SUGCT: variants seen among roughly 807,000 people sequenced by gnomAD.
The protein encoded by SUGCT is succinyl-CoA:glutarate-CoA transferase, also known as succinyl-CoA:glutarate CoA-transferase.
In SUGCT, 41 loss-of-function variants were observed where a neutral mutation model predicts 55.0. The ratio of observed to expected loss-of-function variants is 0.74; its 90% confidence interval spans 0.58 to 0.97. The LOEUF (loss-of-function observed/expected upper bound fraction) is 0.97, where lower values mean the gene tolerates loss of function less well. Ranked by LOEUF, SUGCT falls within the 50% of genes least tolerant of loss-of-function variation. The pLI, the probability that SUGCT is intolerant of heterozygous loss-of-function variation, is 0.00. For missense variants in SUGCT, 568 were observed against 547.8 expected, an observed-to-expected ratio of 1.04 and a Z score of -0.37; for synonymous variants, 187 against 200.4, an observed-to-expected ratio of 0.93 and a Z score of 0.56.
chr7:40,733,259 G>T (rs992690870), intron 12 of SUGCT, among the ~76,000 whole-genome samples: 3 of 152,068 alleles, frequency 2.0e-5, no homozygotes, highest in African/African-American at 7.2e-5. Context: ...ACATGACTCA[G>T]CCCTTTCTCC....
chr7:40,476,230 A>G (rs999297696), intron 11 of SUGCT, among the ~76,000 whole-genome samples: 5 of 152,178 alleles, frequency 3.3e-5, no homozygotes, highest in Admixed American at 6.5e-5. Context: ...TACACATAGT[A>G]TATGCTATAA....
At chr7:40,551,903 T>G (rs962830713) in intron 12 of SUGCT, among the ~76,000 whole-genome samples, 1 of 152,200 alleles carries the variant, frequency 6.6e-6, no homozygotes, top group Non-Finnish European at 1.5e-5. Context: ...GCATTGTACT[T>G]GACTTGCAAG....
At chr7:40,592,234 T>C (rs982517792) in intron 12 of SUGCT, among the ~76,000 whole-genome samples, 4 of 152,302 alleles carry the variant, frequency 2.6e-5, no homozygotes, top group African/African-American at 7.2e-5. Flanking sequence ...GGCCGTCCAA[T>C]TTAGCTATTG....
chr7:40,833,103 T>A (rs1241807054), intron 13 of SUGCT, among the ~76,000 whole-genome samples: 2 of 152,138 alleles, frequency 1.3e-5, no homozygotes, highest in Non-Finnish European at 2.9e-5. Flanking sequence ...CCATTTTTTC[T>A]TGGTTGTCCC....
chr7:40,475,080 A>T (rs1440361726), intron 11 of SUGCT, among the ~76,000 whole-genome samples: 1 of 152,232 alleles, frequency 6.6e-6, no homozygotes, highest in Non-Finnish European at 1.5e-5. Flanking sequence ...GGTGCCCATT[A>T]CTAAATCACC....
intron 9 of SUGCT, among the ~76,000 whole-genome samples, chr7:40,432,340 A>G (rs1410900565): frequency 1.3e-5 from 2 of 152,124 alleles, no homozygotes; most frequent in Non-Finnish European, 2.9e-5. Flanking sequence ...ACCCACTGAT[A>G]GTCTTATAGA....
the SUGCT span, among the ~76,000 whole-genome samples, chr7:40,999,919 T>G: frequency 1.3e-5 from 2 of 152,200 alleles, no homozygotes; most frequent in Admixed American, 1.3e-4. Flanking sequence ...AAAGGAAACT[T>G]AAAACATTTT....
intron 12 of SUGCT, among the ~76,000 whole-genome samples, chr7:40,548,186 C>CTTTTTTTTTTTTTT (rs1186226631): frequency 1.8e-4 from 19 of 104,976 alleles, no homozygotes; most frequent in East Asian, 7.6e-4. Context: ...TTCTTTCTTT[C>CTTTTTTTTTTTTTT]TTTTTTTTTT....
rs924964118 is a variant in SUGCT, at chr7:40,264,692, T to A, written c.577-9821T>A. ...AATACTACCTTCATATTAAGAAACT[T>A]AATTTCCTGTTGATTGTTTCCCCAA... is the stretch of plus-strand genomic sequence containing the variant. On this transcript the variant is annotated intron_variant, in intron 7 of 13. Coordinates refer to ENST00000335693, the MANE Select transcript of SUGCT (RefSeq NM_001193313.2). Among the ~76,000 whole-genome samples the A allele has an allele frequency of 2.0e-5, 3 of 152,210 alleles. No homozygotes were observed. The East Asian group carries it at 5.8e-4, about 29-fold the overall frequency.
the SUGCT span, among the ~76,000 whole-genome samples, chr7:40,879,248 A>C: frequency 6.6e-6 from 1 of 152,188 alleles, no homozygotes; most frequent in African/African-American, 2.4e-5. Context: ...TACTAGGCAA[A>C]ATTTTAAAAC....
intron 9 of SUGCT, among the ~76,000 whole-genome samples, chr7:40,319,191 A>G (rs10231959): frequency 0.56 from 85,462 of 152,048 alleles, 25,396 homozygotes; most frequent in Non-Finnish European, 0.67. Flanking sequence ...TGTATTATCT[A>G]TAAGAAATAA....
intron 11 of SUGCT, among the ~76,000 whole-genome samples, chr7:40,467,055 A>T (rs1347068733): frequency 2.0e-5 from 3 of 151,932 alleles, no homozygotes; most frequent in African/African-American, 7.3e-5. Context: ...ACAAAAAACT[A>T]GCTGGGCATG....
intron 12 of SUGCT, among the ~76,000 whole-genome samples, chr7:40,544,862 T>C (rs528053461): frequency 1.9e-4 from 29 of 152,188 alleles, no homozygotes; most frequent in Non-Finnish European, 3.7e-4. Context: ...ACTATCCTTC[T>C]GGAAAGGAAG....
chr7:40,511,052 G>A (rs901650752), intron 12 of SUGCT, among the ~76,000 whole-genome samples: 1 of 152,166 alleles, frequency 6.6e-6, no homozygotes, highest in African/African-American at 2.4e-5. Flanking sequence ...TTTAGATAGA[G>A]TGCTGTTGCT....
the SUGCT span, among the ~76,000 whole-genome samples, chr7:40,867,486 TAAA>T: frequency 1.3e-5 from 2 of 152,036 alleles, no homozygotes; most frequent in Middle Eastern, 3.4e-3. Flanking sequence ...CTTGGACAAA[TAAA>T]AAGAAGTATG....
the SUGCT span, among the ~76,000 whole-genome samples, chr7:40,950,987 A>G: frequency 0.38 from 57,665 of 151,542 alleles, 11,560 homozygotes; most frequent in Admixed American, 0.49. Flanking sequence ...ATGAGTTAGG[A>G]AGGATTCCCT....
chr7:40,688,911 G>T (rs1290011033), intron 12 of SUGCT, among the ~76,000 whole-genome samples: 1 of 152,126 alleles, frequency 6.6e-6, no homozygotes, highest in Non-Finnish European at 1.5e-5. Flanking sequence ...AGAGAGTACA[G>T]ATTCTAAATC....
In SUGCT at chr7:40,843,508, C is replaced by CA. The variant is rs57586466; in HGVS notation, c.1154-16797dup. 7.4e-4 allele frequency among the ~76,000 whole-genome samples: 95 copies of CA among 127,744 alleles called. 1 individual carries two copies. Among genetic ancestry groups the CA allele is most frequent in the Middle Eastern group, 9.2e-3 (2 of 218 alleles). 83.8% of individuals were successfully genotyped at this position (127,744 alleles called of 152,430 possible). ...CTAGCAACAGAGAGAGACTCTGTCTCAAAAAAAAAAAGTTGAAGTGAGTCA... is the reference window on the plus strand; with the variant it reads ...CTAGCAACAGAGAGAGACTCTGTCTCAAAAAAAAAAAAGTTGAAGTGAGTCA... On this transcript the variant is annotated intron_variant, in intron 13 of 13. Transcript: ENST00000335693.
chr7:40,925,929 A>G, the SUGCT span, among the ~76,000 whole-genome samples: 1 of 152,062 alleles, frequency 6.6e-6, no homozygotes, highest in African/African-American at 2.4e-5. Context: ...CTCCATCTCT[A>G]CAAAAAATCC....
Sources: allele counts gnomAD v4.1 joint callset (sites outside exome capture counted in the v4.1 genomes callset), GRCh38; gene constraint gnomAD v4.1.1; transcripts MANE v1.5; gene names NCBI Gene and HGNC (gene_info 2026-07-23, HGNC 2026-07-21).